CAST: variants seen among roughly 807,000 people sequenced by gnomAD.
CAST encodes MIR583 host.
A neutral mutation model predicts 119.6 loss-of-function variants in CAST; 76 were observed. That is an observed-to-expected ratio of 0.64 (90% CI 0.53 to 0.77). The LOEUF (loss-of-function observed/expected upper bound fraction) is 0.77. Among genes scored for constraint, CAST ranks in the 30% least tolerant of loss-of-function variants. The pLI is 0.00. For synonymous variants in CAST, 319 were observed against 331.6 expected, an observed-to-expected ratio of 0.96 and a Z score of 0.41; for missense variants, 953 against 946.5, an observed-to-expected ratio of 1.01 and a Z score of -0.09.
chr5:96,466,573 G>A, the CAST span, among the ~76,000 whole-genome samples: 3 of 143,582 alleles, frequency 2.1e-5, no homozygotes, highest in Admixed American at 6.9e-5. Flanking sequence ...GTTTGTGTGG[G>A]GTTTTTTTTT....
At chr5:96,746,196 T>C (rs1763720168) in intron 16 of CAST, 146 bp from the exon 17 acceptor site, 1 of 637,508 alleles carries the variant, frequency 1.6e-6, no homozygotes, top group Admixed American at 2.6e-5. Context: ...ACCATCGTCT[T>C]GTGCTTTGTA....
chr5:96,056,959 C>T, the CAST span, among the ~76,000 whole-genome samples: 1 of 152,048 alleles, frequency 6.6e-6, no homozygotes, highest in African/African-American at 2.4e-5. Flanking sequence ...AGTTATTTAG[C>T]AAAGAATGCT....
At chr5:96,684,562 T>C (rs981670807) in intron 2 of CAST, among the ~76,000 whole-genome samples, 2 of 150,608 alleles carry the variant, frequency 1.3e-5, no homozygotes, top group Non-Finnish European at 3.0e-5. Flanking sequence ...TCTGCATCAC[T>C]ATCTTTTTTT....
chr5:96,507,681 G>T, the CAST span, among the ~76,000 whole-genome samples: 2 of 152,122 alleles, frequency 1.3e-5, no homozygotes, highest in African/African-American at 2.4e-5. Flanking sequence ...ATTACCCAGG[G>T]TGCTCTGTCC....
chr5:96,391,195 G>A, the CAST span: 2 of 152,240 alleles, frequency 1.3e-5, no homozygotes, highest in Admixed American at 6.5e-5. Context: ...TAAGCATTAC[G>A]GGCATTGCTC....
At chr5:96,709,776 T>A (rs1219709395) in intron 3 of CAST, among the ~76,000 whole-genome samples, 1 of 152,218 alleles carries the variant, frequency 6.6e-6, no homozygotes, top group Non-Finnish European at 1.5e-5. Flanking sequence ...ATATATTATT[T>A]TCTGAAAATT....
the CAST span, among the ~76,000 whole-genome samples, chr5:96,478,999 G>A: frequency 3.9e-5 from 6 of 152,196 alleles, no homozygotes; most frequent in Admixed American, 1.3e-4. Context: ...CTAATTGGGT[G>A]TAACTGGGGA....
chr5:96,231,953 T>C, the CAST span, among the ~76,000 whole-genome samples: 1 of 152,036 alleles, frequency 6.6e-6, no homozygotes, highest in Non-Finnish European at 1.5e-5. Context: ...CCTAAGCTTT[T>C]TTTTCTGATC....
At chr5:96,598,906 C>T (rs535153859) in intron 1 of CAST, among the ~76,000 whole-genome samples, 1 of 152,326 alleles carries the variant, frequency 6.6e-6, no homozygotes, top group East Asian at 1.9e-4. Context: ...TGCCTTTGGA[C>T]TCAAACTGAA....
chr5:96,068,472 C>T, the CAST span, among the ~76,000 whole-genome samples: 2 of 152,010 alleles, frequency 1.3e-5, no homozygotes, highest in Non-Finnish European at 1.5e-5. Context: ...TCCATATTCC[C>T]TTCCAGCTCC....
chr5:96,385,039 G>A, the CAST span, among the ~76,000 whole-genome samples: 1 of 152,158 alleles, frequency 6.6e-6, no homozygotes, highest in Non-Finnish European at 1.5e-5. Context: ...AGCCAGGAAG[G>A]CCAAGAAATG....
chr5:96,306,234 T>A, the CAST span, among the ~76,000 whole-genome samples: 3 of 152,226 alleles, frequency 2.0e-5, no homozygotes, highest in Non-Finnish European at 4.4e-5. Context: ...TTTATTTGCA[T>A]GGAGGTGTTT....
the CAST span, among the ~76,000 whole-genome samples, chr5:96,193,446 C>A: frequency 6.6e-6 from 1 of 152,066 alleles, no homozygotes; most frequent in Admixed American, 6.6e-5. Flanking sequence ...ATCCTTTTAA[C>A]CTGTTGAAAA....
At chr5:96,059,743 A>T in the CAST span, among the ~76,000 whole-genome samples, 59 of 152,244 alleles carry the variant, frequency 3.9e-4, 1 homozygote, top group East Asian at 9.9e-3. Flanking sequence ...GCATATAGGT[A>T]GTCACTACGA....
At chr5:96,746,524 C>A in intron 17 of CAST, 99 bp downstream of exon 17, 1 of 797,242 alleles carries the variant, frequency 1.3e-6, no homozygotes. Flanking sequence ...ATGTCTGTCC[C>A]CCATTCAGAT....
chr5:96,572,186 C>T (rs1746581019), intron 1 of CAST, among the ~76,000 whole-genome samples: 2 of 149,754 alleles, frequency 1.3e-5, no homozygotes, highest in Admixed American at 6.7e-5. Context: ...TGGCTCTTTC[C>T]GATGACACAA....
At chr5:96,643,813 C>T (rs532468617) in intron 1 of CAST, among the ~76,000 whole-genome samples, 1 of 152,300 alleles carries the variant, frequency 6.6e-6, no homozygotes, top group Non-Finnish European at 1.5e-5. Flanking sequence ...GCCGAGATTG[C>T]AGTGAGCCCA....
chr5:96,191,877 A>G, the CAST span, among the ~76,000 whole-genome samples: 1 of 152,306 alleles, frequency 6.6e-6, no homozygotes, highest in Middle Eastern at 3.4e-3. Context: ...CAGCTGATGG[A>G]ATTTTTTTAA....
the CAST span, among the ~76,000 whole-genome samples, chr5:96,109,121 G>C: frequency 4.6e-5 from 7 of 152,194 alleles, no homozygotes; most frequent in Non-Finnish European, 8.8e-5. Flanking sequence ...TGCGCCCACT[G>C]TCTGGCACTC....
Sources: gnomAD v4.1 joint callset for allele counts (sites outside exome capture counted in the v4.1 genomes callset) on GRCh38, gnomAD v4.1.1 for gene constraint, MANE v1.5 for transcripts, NCBI Gene and HGNC (gene_info 2026-07-23, HGNC 2026-07-21) for gene names.